The following ERBB4 variants were observed in gnomAD, a reference collection of about 807,000 sequenced individuals.
The protein encoded by ERBB4 is receptor tyrosine-protein kinase erbB-4.
ERBB4 carries 42 observed loss-of-function variants against 158.0 expected under a neutral mutation model. The ratio of observed to expected loss-of-function variants is 0.27; its 90% CI spans 0.21 to 0.34. The LOEUF (loss-of-function observed/expected upper bound fraction) is 0.34. Ranked by LOEUF, ERBB4 falls within the 10% of genes least tolerant of loss-of-function variation. The pLI, the probability that ERBB4 is intolerant of heterozygous loss-of-function variation, is 1.00. For synonymous variants in ERBB4, 583 were observed against 558.7 expected (o/e 1.04, Z -0.61); for missense variants, 1,333 against 1,624.1 (o/e 0.82, Z 3.08).
At chr2:212,197,702 T>C (rs1251118680) in intron 1 of ERBB4, among the ~76,000 whole-genome samples, 1 of 152,160 alleles carries the variant, frequency 6.6e-6, no homozygotes, top group Non-Finnish European at 1.5e-5. Flanking sequence ...CATTTCCTGT[T>C]TTAGAAGGGT....
At chr2:212,015,543 G>C (rs2076509839) in intron 2 of ERBB4, among the ~76,000 whole-genome samples, 1 of 152,008 alleles carries the variant, frequency 6.6e-6, no homozygotes, top group South Asian at 2.1e-4. Context: ...CTCCCCTCCT[G>C]GCATGTTCCT....
chr2:211,786,184 G>C (rs1417696184), intron 4 of ERBB4, among the ~76,000 whole-genome samples: 1 of 152,060 alleles, frequency 6.6e-6, no homozygotes, highest in Admixed American at 6.5e-5. Context: ...TTGAGTGATT[G>C]GTTGGTGGTA....
intron 20 of ERBB4, among the ~76,000 whole-genome samples, chr2:211,528,221 C>T (rs560153210): frequency 2.0e-5 from 3 of 151,780 alleles, no homozygotes; most frequent in Non-Finnish European, 4.4e-5. Context: ...TTATATCAGA[C>T]AAAATAGATT....
intron 3 of ERBB4, among the ~76,000 whole-genome samples, chr2:211,824,618 G>A (rs2077056927): frequency 6.6e-6 from 1 of 151,764 alleles, no homozygotes; most frequent in Admixed American, 6.6e-5. Flanking sequence ...TACCTAAGTA[G>A]AATAGATTAT....
At chr2:211,875,050 A>AAAAAAAAAATAAAAAAAAAAAAC (rs66500425) in intron 3 of ERBB4, among the ~76,000 whole-genome samples, 1 of 75,872 alleles carries the variant, frequency 1.3e-5, no homozygotes. Context: ...AAAAAAAAAA[A>AAAAAAAAAATAAAAAAAAAAAAC]CAAACTCAAA....
intron 3 of ERBB4, among the ~76,000 whole-genome samples, chr2:211,918,395 G>C (rs1373559685): frequency 6.6e-6 from 1 of 152,046 alleles, no homozygotes; most frequent in Non-Finnish European, 1.5e-5. Context: ...TAGGCATTCA[G>C]TTTCCATTAG....
intron 4 of ERBB4, among the ~76,000 whole-genome samples, chr2:211,772,838 CATATATATATAT>C (rs1278564933): frequency 5.5e-5 from 1 of 18,302 alleles, no homozygotes; most frequent in Non-Finnish European, 1.0e-4. Context: ...TATATATACA[CATATATATATAT>C]ATATATATAT....
intron 20 of ERBB4, among the ~76,000 whole-genome samples, chr2:211,546,121 C>T (rs537704182): frequency 4.0e-5 from 6 of 151,756 alleles, no homozygotes; most frequent in South Asian, 2.1e-4. Context: ...AGTGAAATTA[C>T]GTAGAAATAG....
At chr2:211,592,580 GA>G (rs2068507753) in intron 19 of ERBB4, among the ~76,000 whole-genome samples, 1 of 151,728 alleles carries the variant, frequency 6.6e-6, no homozygotes, top group Admixed American at 6.6e-5. Flanking sequence ...AGACAAAGAG[GA>G]TTTCAAGGTT....
intron 2 of ERBB4, among the ~76,000 whole-genome samples, chr2:211,992,806 G>A (rs188878976): frequency 1.3e-5 from 2 of 152,262 alleles, no homozygotes. Context: ...CAGAGGAGGA[G>A]AAACTTGAAG....
At chr2:211,637,585 T>C (rs905385734) in intron 16 of ERBB4, among the ~76,000 whole-genome samples, 19 of 152,010 alleles carry the variant, frequency 1.2e-4, no homozygotes, top group African/African-American at 4.3e-4. Context: ...TTTGATCCTA[T>C]ATACTACTTT....
At chr2:212,141,248 T>C (rs1436973939) in intron 1 of ERBB4, among the ~76,000 whole-genome samples, 3 of 151,924 alleles carry the variant, frequency 2.0e-5, no homozygotes, top group Non-Finnish European at 4.4e-5. Context: ...CCATGACAGA[T>C]GCTATGGGTG....
chr2:212,211,504 A>G (rs183419403), intron 1 of ERBB4, among the ~76,000 whole-genome samples: 258 of 152,144 alleles, frequency 1.7e-3, no homozygotes, highest in African/African-American at 5.9e-3. Context: ...TACACTTTCT[A>G]ATAAAATAGT....
chr2:211,991,352 A>G (rs1350406979), intron 2 of ERBB4, among the ~76,000 whole-genome samples: 2 of 152,178 alleles, frequency 1.3e-5, no homozygotes, highest in Non-Finnish European at 2.9e-5. Flanking sequence ...TATTTGACCA[A>G]TGACTAAAGC....
At chr2:212,023,514 A>T (rs1218931605) in intron 2 of ERBB4, among the ~76,000 whole-genome samples, 3 of 143,850 alleles carry the variant, frequency 2.1e-5, no homozygotes, top group African/African-American at 5.5e-5. Context: ...ATACAAGTTA[A>T]TTTTTTAAAA....
intron 2 of ERBB4, among the ~76,000 whole-genome samples, chr2:212,088,844 T>C (rs963456131): frequency 3.9e-5 from 6 of 152,154 alleles, no homozygotes; most frequent in African/African-American, 1.2e-4. Context: ...ACAATGGACA[T>C]GTGTTAAGCA....
intron 5 of ERBB4, among the ~76,000 whole-genome samples, chr2:211,732,920 T>C (rs1369619744): frequency 6.6e-6 from 1 of 152,160 alleles, no homozygotes; most frequent in Non-Finnish European, 1.5e-5. Context: ...GAGGTTGCAG[T>C]GAGCCAAGAT....
intron 5 of ERBB4, among the ~76,000 whole-genome samples, chr2:211,726,178 C>T (rs575003029): frequency 2.6e-5 from 4 of 152,126 alleles, no homozygotes; most frequent in Non-Finnish European, 4.4e-5. Context: ...ATCTTCTAAG[C>T]TTTCTTTGTT....
At chr2:211,537,017 C>A (rs1338680138) in intron 20 of ERBB4, among the ~76,000 whole-genome samples, 1 of 151,974 alleles carries the variant, frequency 6.6e-6, no homozygotes, top group East Asian at 1.9e-4. Flanking sequence ...TTGGTTGCAG[C>A]AATGCTAAAT....
Sources: allele counts gnomAD v4.1 joint callset (sites outside exome capture counted in the v4.1 genomes callset), GRCh38; gene constraint gnomAD v4.1.1; transcripts MANE v1.5; gene names NCBI Gene and HGNC (gene_info 2026-07-23, HGNC 2026-07-21).